Variants in ABCC12 observed in about 807,000 individuals in gnomAD.
ABCC12 encodes the protein ATP binding cassette subfamily C member 12, also known as ATP-binding cassette sub-family C member 12.
In ABCC12, 142 loss-of-function variants were observed where a neutral mutation model predicts 151.1. That is an observed-to-expected ratio of 0.94 (90% confidence interval 0.82 to 1.08). ABCC12 has a LOEUF of 1.08. Among genes scored for constraint, ABCC12 ranks in the 50% least tolerant of loss-of-function variants. The probability of loss-of-function intolerance (pLI) is 0.00; values close to 1 mark genes in which losing one functional copy is unlikely to be tolerated. For synonymous variants in ABCC12, 645 were observed against 646.4 expected, an observed-to-expected ratio of 1.00 and a Z score of 0.03; for missense variants, 1,638 against 1,691.1, an observed-to-expected ratio of 0.97 and a Z score of 0.55.
In ABCC12 at chr16:48,096,794, G is replaced by A. The variant is rs573782879; in HGVS notation, c.3147C>T (p.Ser1049=). 5.8e-5 allele frequency: 94 copies of A among 1,614,080 alleles called. No homozygotes were observed. In the Middle Eastern group the frequency reaches 8.3e-4, roughly 14 times the overall value. ...GGCCTTTGGATGAAGTACTGATGGA[G>A]GAGAAACTCAGGGTCACCAACAAGG... The part of the protein sequence containing the change: ...TVALLVTLSF[S]SISTSSKGLS... The change falls in exon 24 of 31, where the codon TCC becomes TCT. Residue 1049 remains serine, a synonymous_variant. Coordinates refer to ENST00000311303, the MANE Select transcript of ABCC12 (RefSeq NM_001393797.1).
At chr16:48,111,547 C>A (rs920836856) in intron 17 of ABCC12, 31 bp downstream of exon 17, 1 of 1,613,928 alleles carries the variant, frequency 6.2e-7, no homozygotes, top group Admixed American at 1.7e-5. Context: ...TCCATTCAAG[C>A]CAAGGACAAT....
intron 8 of ABCC12, 139 bp downstream of exon 8, chr16:48,138,089 A>T: frequency 2.3e-6 from 2 of 858,752 alleles, no homozygotes; most frequent in Non-Finnish European, 1.7e-6. Context: ...TCCTTTGAAA[A>T]ATTCTTTGAC....
In ABCC12 at chr16:48,115,536, A is replaced by C. The variant is rs1963850090; in HGVS notation, c.1868T>G (p.Leu623Arg). ...CGACAGGGGGTCGTCCAGCAGGTAG[A>C]GCTGACGGTCGGAGTAGACAGCGCG... Reference protein sequence around the residue: ...LARAVYSDRQLYLLDDPLSAV... With the variant: ...LARAVYSDRQRYLLDDPLSAV... Residue 623 changes from leucine (L) to arginine (R), a missense_variant, in exon 15 of 31, where the codon CTC becomes CGC. Transcript: ENST00000311303. 6 of 1,614,198 alleles carry C rather than the reference A, an allele frequency of 3.7e-6. No homozygotes were observed. The highest frequency in any genetic ancestry group is 5.1e-6 in the Non-Finnish European group (6 of 1,180,026).
intron 24 of ABCC12, among the ~76,000 whole-genome samples, chr16:48,091,577 T>C (rs1278124337): frequency 1.3e-5 from 2 of 152,108 alleles, no homozygotes; most frequent in Admixed American, 6.5e-5. Flanking sequence ...TGGCAGGGTC[T>C]TGCATCTCAG....
Position 48,139,316 on chromosome 16 carries a change from A to G in ABCC12, c.678T>C (p.Ser226=). ...CAGCTTCAAACAAAGAATAGCTATC[A>G]CTTGACAGTATATTGAGCACCTGGA... ...SVGEVLNILS[S]DSYSLFEAAL... is the part of the protein sequence containing the mutation. The change falls in exon 7 of 31, where the codon AGT becomes AGC. Residue 226 remains serine, a synonymous_variant. Transcript: ENST00000311303. 4 of 1,612,066 alleles carry G rather than the reference A, an allele frequency of 2.5e-6. No homozygotes were observed. Among genetic ancestry groups the G allele is most frequent in the Non-Finnish European group, 3.4e-6 (4 of 1,179,508 alleles).
chr16:48,123,786 G>C (rs1169955532), intron 12 of ABCC12, among the ~76,000 whole-genome samples: 3 of 152,212 alleles, frequency 2.0e-5, no homozygotes. Context: ...AGAGAAGGTG[G>C]GGGCATGAGC....
Position 48,108,427 on chromosome 16 carries a change from T to A in ABCC12, c.2371+13A>T. ...GCAAATTAAATCAAGAAACTTGTTG[T>A]TTTATACTGAACCTCCAGAAGCCTT... On this transcript the variant is annotated intron_variant, in intron 19 of 30. Transcript: ENST00000311303. 6.2e-7 allele frequency: 1 copy of A among 1,609,254 alleles called. No homozygotes were observed.
intron 8 of ABCC12, among the ~76,000 whole-genome samples, chr16:48,137,112 G>C (rs185616212): frequency 4.0e-5 from 6 of 151,754 alleles, no homozygotes; most frequent in Admixed American, 3.9e-4. Flanking sequence ...GGGAAGGCAG[G>C]AGCAGTGCCT....
At chr16:48,118,365 G>A (rs889408329) in intron 13 of ABCC12, among the ~76,000 whole-genome samples, 4 of 152,118 alleles carry the variant, frequency 2.6e-5, no homozygotes, top group Non-Finnish European at 5.9e-5. Context: ...CAGAGCCCCC[G>A]CACAGCCGCC....
At chr16:48,103,041 C>T (rs1419399414) in intron 22 of ABCC12, among the ~76,000 whole-genome samples, 1 of 152,220 alleles carries the variant, frequency 6.6e-6, no homozygotes, top group African/African-American at 2.4e-5. Flanking sequence ...CCTGACCTTT[C>T]TGTAGCTCCA....
In ABCC12 at chr16:48,105,242, G is replaced by A. The variant is rs761517793; in HGVS notation, c.2570C>T (p.Ala857Val). 1.2e-6 allele frequency: 2 copies of A among 1,614,146 alleles called. No individual in the cohort carries two copies. Among genetic ancestry groups the A allele is most frequent in the Non-Finnish European group, 1.7e-6 (2 of 1,180,030 alleles). ...GQHVYQWVYT[A>V]SMVFMLVFGV... is the part of the protein sequence containing the mutation. ...AAACACCAGCATGAACACCATGCTT[G>A]CAGTGTACACCCACTGGTACACATG... Residue 857 changes from alanine (A) to valine (V), a missense_variant, in exon 21 of 31, where the codon GCA becomes GTA. By Grantham distance (64) the Ala-to-Val change is moderately conservative. Coordinates refer to ENST00000311303, the MANE Select transcript of ABCC12 (RefSeq NM_001393797.1).
chr16:48,139,336 C>A lies in ABCC12; in HGVS notation c.658G>T (p.Val220Leu), dbSNP rs754554214. 6.3e-7 allele frequency: 1 copy of A among 1,597,334 alleles called. No individual in the cohort carries two copies. The highest frequency in any genetic ancestry group is 1.8e-5 in the Admixed American group (1 of 54,998). The part of the protein sequence containing the change: ...KTLTHISVGE[V>L]LNILSSDSYS... ...CTATCACTTGACAGTATATTGAGCA[C>A]CTGGAAAGAAAAGCGCAAAGGTTCA... is the stretch of plus-strand genomic sequence containing the variant. Residue 220 changes from valine (V) to leucine (L), a missense_variant and splice_region_variant, in exon 7 of 31, where the codon GTG (valine) becomes TTG (leucine). Coordinates refer to ENST00000311303, the MANE Select transcript of ABCC12 (RefSeq NM_001393797.1).
At chr16:48,111,319 C>A in intron 18 of ABCC12, 117 bp downstream of exon 18, 1 of 1,239,872 alleles carries the variant, frequency 8.1e-7, no homozygotes, top group Non-Finnish European at 1.2e-6. Context: ...TACCCTAGAC[C>A]ATCCAATTCT....
At chr16:48,125,972 A>ACTTTGC (rs1432684177) in intron 11 of ABCC12, among the ~76,000 whole-genome samples, 2 of 151,938 alleles carry the variant, frequency 1.3e-5, no homozygotes, top group East Asian at 3.9e-4. Flanking sequence ...AGTGCCACCT[A>ACTTTGC]CTTTGCCTTC....
intron 2 of ABCC12, among the ~76,000 whole-genome samples, chr16:48,153,026 C>G (rs1965137339): frequency 6.6e-6 from 1 of 152,210 alleles, no homozygotes. Context: ...AGTCACCCGC[C>G]TGACCCTCTT....
intron 13 of ABCC12, among the ~76,000 whole-genome samples, chr16:48,119,772 T>C (rs2150633583): frequency 6.6e-6 from 1 of 152,290 alleles, no homozygotes; most frequent in South Asian, 2.1e-4. Context: ...AATTAAGCAT[T>C]GTGATGCCTG....
intron 20 of ABCC12, among the ~76,000 whole-genome samples, chr16:48,105,591 A>T (rs1963465149): frequency 6.6e-6 from 1 of 152,212 alleles, no homozygotes; most frequent in African/African-American, 2.4e-5. Flanking sequence ...AAAGCAGAGA[A>T]ACCAGATGGG....
intron 8 of ABCC12, among the ~76,000 whole-genome samples, chr16:48,134,930 T>C (rs1454641367): frequency 2.0e-5 from 3 of 151,580 alleles, no homozygotes; most frequent in Non-Finnish European, 4.4e-5. Flanking sequence ...CGGGAGCCTG[T>C]AATCCCAGCT....
chr16:48,091,358 G>T (rs1378998838), intron 24 of ABCC12, 149 bp from the exon 25 acceptor site: 4 of 693,606 alleles, frequency 5.8e-6, no homozygotes, highest in Non-Finnish European at 1.0e-5. Flanking sequence ...CCAGCCAAGC[G>T]CCCAGAAGTA....
Sources: gnomAD v4.1 joint callset for allele counts (sites outside exome capture counted in the v4.1 genomes callset) on GRCh38, gnomAD v4.1.1 for gene constraint, MANE v1.5 for transcripts, NCBI Gene and HGNC (gene_info 2026-07-23, HGNC 2026-07-21) for gene names.